NDEL1: variants seen among roughly 807,000 people sequenced by gnomAD.
NDEL1 encodes the protein nuclear distribution protein nudE-like 1.
In NDEL1, 9 loss-of-function variants were observed where a neutral mutation model predicts 45.7. That is an observed-to-expected ratio of 0.20 (90% CI 0.12 to 0.34). The LOEUF is 0.34. Ranked by LOEUF, NDEL1 falls within the 10% of genes least tolerant of loss-of-function variation. The probability of loss-of-function intolerance (pLI) is 1.00; values close to 1 mark genes in which losing one functional copy is unlikely to be tolerated. For missense variants in NDEL1, 306 were observed against 406.2 expected, an observed-to-expected ratio of 0.75 and a Z score of 2.12; for synonymous variants, 133 against 158.6, an observed-to-expected ratio of 0.84 and a Z score of 1.21.
At chr17:8,433,133 CTTGTTTAAAATGTGTGAAA>C (rs1306147024), upstream of NDEL1, among the ~76,000 whole-genome samples, 2 of 151,914 alleles carry the variant, frequency 1.3e-5, no homozygotes, top group Admixed American at 1.3e-4. Context: ...CTTGATCCCA[CTTGTTTAAAATGTGTGAAA>C]TTTTGAAAGC....
chr17:8,413,498 C>A (rs754070587), intron 1 of NDEL1, among the ~76,000 whole-genome samples: 1 of 152,176 alleles, frequency 6.6e-6, no homozygotes, highest in South Asian at 2.1e-4. Context: ...ATATCATTTG[C>A]GCACATCTTC....
intron 1 of NDEL1, among the ~76,000 whole-genome samples, chr17:8,413,728 T>A (rs146285727): frequency 1.3e-5 from 2 of 152,226 alleles, no homozygotes; most frequent in African/African-American, 4.8e-5. Flanking sequence ...GGCCATTTGC[T>A]TCCCTCTGAA....
At chr17:8,430,596 T>G (rs1021805392) in intron 1 of NDEL1, among the ~76,000 whole-genome samples, 1 of 152,176 alleles carries the variant, frequency 6.6e-6, no homozygotes, top group South Asian at 2.1e-4. Flanking sequence ...AGGAGAGATG[T>G]TGGGATCCTC....
chr17:8,432,609 C>T (rs903850587), upstream of NDEL1, among the ~76,000 whole-genome samples: 5 of 151,888 alleles, frequency 3.3e-5, no homozygotes, highest in South Asian at 6.2e-4. Context: ...TGGTCTCGAT[C>T]TCCTGACCTC....
intron 8 of NDEL1, chr17:8,463,408 T>G: frequency 6.4e-7 from 1 of 1,556,188 alleles, no homozygotes. Flanking sequence ...TCCTGGTGTG[T>G]GGTGGAAGAC....
chr17:8,434,499 A>G (rs1416605647), upstream of NDEL1, among the ~76,000 whole-genome samples: 1 of 152,054 alleles, frequency 6.6e-6, no homozygotes, highest in Non-Finnish European at 1.5e-5. Flanking sequence ...CGCCTGGCCG[A>G]AGTCAGGAGT....
At chr17:8,459,092 C>T (rs1303588252) in intron 7 of NDEL1, among the ~76,000 whole-genome samples, 2 of 152,124 alleles carry the variant, frequency 1.3e-5, no homozygotes, top group African/African-American at 2.4e-5. Context: ...CAAATGGATT[C>T]TCAAAGTGAA....
chr17:8,471,906 G>A (rs1191466633), downstream of NDEL1, among the ~76,000 whole-genome samples: 2 of 152,194 alleles, frequency 1.3e-5, no homozygotes, highest in African/African-American at 2.4e-5. Flanking sequence ...GTCCCCGAAA[G>A]GTGGAAAGGG....
downstream of NDEL1, among the ~76,000 whole-genome samples, chr17:8,468,972 C>G (rs1469414487): frequency 1.3e-5 from 2 of 152,162 alleles, no homozygotes; most frequent in Non-Finnish European, 2.9e-5. Flanking sequence ...TCACTGCACT[C>G]CAGCCTGGGT....
At chr17:8,458,943 G>T (rs569529836) in intron 7 of NDEL1, among the ~76,000 whole-genome samples, 37 of 152,124 alleles carry the variant, frequency 2.4e-4, no homozygotes, top group African/African-American at 7.7e-4. Context: ...TCTTGGCCAG[G>T]CTGGTCTCGA....
intron 7 of NDEL1, among the ~76,000 whole-genome samples, chr17:8,459,771 A>T (rs1911081035): frequency 6.6e-6 from 1 of 152,168 alleles, no homozygotes; most frequent in African/African-American, 2.4e-5. Flanking sequence ...GGGGAAGATT[A>T]TATGTATTTC....
chr17:8,424,071 A>C (rs1181105377), intron 1 of NDEL1, among the ~76,000 whole-genome samples: 1 of 152,216 alleles, frequency 6.6e-6, no homozygotes, highest in Non-Finnish European at 1.5e-5. Flanking sequence ...AAAAGAAAAA[A>C]AGGAAGGAAG....
chr17:8,440,482 C>T (rs1375325169), intron 1 of NDEL1, among the ~76,000 whole-genome samples: 1 of 149,684 alleles, frequency 6.7e-6, no homozygotes, highest in East Asian at 2.0e-4. Context: ...CCACTGCACT[C>T]CAGCCTGGGC....
chr17:8,449,486 T>C (rs571001387), intron 5 of NDEL1, among the ~76,000 whole-genome samples: 1 of 152,340 alleles, frequency 6.6e-6, no homozygotes, highest in African/African-American at 2.4e-5. Context: ...AATTGTTGTG[T>C]AAACAAATTT....
chr17:8,416,374 T>C (rs1488110792), intron 1 of NDEL1, among the ~76,000 whole-genome samples: 1 of 152,258 alleles, frequency 6.6e-6, no homozygotes, highest in Non-Finnish European at 1.5e-5. Flanking sequence ...GGAGGTAATT[T>C]TGATAGGTTT....
At chr17:8,456,227 C>T (rs1323494885) in intron 7 of NDEL1, among the ~76,000 whole-genome samples, 1 of 152,218 alleles carries the variant, frequency 6.6e-6, no homozygotes, top group Non-Finnish European at 1.5e-5. Flanking sequence ...ATTAAACCTG[C>T]ATTTTTAAGG....
chr17:8,417,097 CTCTTTCTTTTTTTCTTTTTTATT>C (rs1171471585), intron 1 of NDEL1, among the ~76,000 whole-genome samples: 2 of 152,222 alleles, frequency 1.3e-5, no homozygotes, highest in East Asian at 1.9e-4. Context: ...GAATCTCTCT[CTCTTTCTTTTTTTCTTTTTTATT>C]TCTTTCTTTT....
downstream of NDEL1, among the ~76,000 whole-genome samples, chr17:8,472,394 C>T (rs1911862473): frequency 6.6e-6 from 1 of 152,204 alleles, no homozygotes; most frequent in Non-Finnish European, 1.5e-5. Flanking sequence ...TGGCTCACAC[C>T]TGTAATCCCA....
At chr17:8,458,081 G>A (rs1328963562) in intron 7 of NDEL1, among the ~76,000 whole-genome samples, 4 of 152,016 alleles carry the variant, frequency 2.6e-5, no homozygotes, top group African/African-American at 9.7e-5. Flanking sequence ...TGCTTATGCC[G>A]CTAAAACTGC....
Sources: allele counts gnomAD v4.1 joint callset (sites outside exome capture counted in the v4.1 genomes callset), GRCh38; gene constraint gnomAD v4.1.1; transcripts MANE v1.5; gene names NCBI Gene and HGNC (gene_info 2026-07-23, HGNC 2026-07-21).